Variants in AKAP13 observed in about 807,000 individuals in gnomAD.
AKAP13 encodes the protein A-kinase anchoring protein 13.
Under a neutral mutation model 264.5 loss-of-function variants are expected in AKAP13, and 80 were observed. That is an observed-to-expected ratio of 0.30 (90% CI 0.25 to 0.36). The LOEUF (loss-of-function observed/expected upper bound fraction) is 0.36. AKAP13 is among the 10% of genes least tolerant of loss of function. The pLI, the probability that AKAP13 is intolerant of heterozygous loss-of-function variation, is 1.00. For missense variants in AKAP13, 3,712 were observed against 3,435.2 expected (o/e 1.08, Z -2.01); for synonymous variants, 1,380 against 1,250.2 (o/e 1.10, Z -2.19).
intron 8 of AKAP13, among the ~76,000 whole-genome samples, chr15:85,625,496 A>C (rs1322967152): frequency 6.6e-6 from 1 of 152,164 alleles, no homozygotes; most frequent in Non-Finnish European, 1.5e-5. Context: ...TGGAAAAGAG[A>C]CTAACATGAG....
intron 12 of AKAP13, among the ~76,000 whole-genome samples, chr15:85,658,835 T>C (rs909971013): frequency 6.6e-6 from 1 of 152,208 alleles, no homozygotes; most frequent in Non-Finnish European, 1.5e-5. Flanking sequence ...TTTTAAATCT[T>C]GTGCTTATTG....
chr15:85,536,785 AAG>A (rs369015107), intron 4 of AKAP13: 1 of 152,326 alleles, frequency 6.6e-6, no homozygotes, highest in East Asian at 1.9e-4. Context: ...ATTATAGAAA[AAG>A]AGAACAGATG....
chr15:85,578,352 T>G (rs2079082008), intron 6 of AKAP13, among the ~76,000 whole-genome samples: 4 of 152,114 alleles, frequency 2.6e-5, no homozygotes, highest in African/African-American at 9.7e-5. Context: ...ACTCTTTTAT[T>G]TTTATTTTTT....
intron 8 of AKAP13, 26 bp downstream of exon 8, chr15:85,585,849 G>C (rs766491970): frequency 6.2e-7 from 1 of 1,611,666 alleles, no homozygotes; most frequent in African/African-American, 1.3e-5. Context: ...AAGTCTATAA[G>C]GGCACAAAAT....
At chr15:85,601,608 TTGTGTGTGTGTGTGTGTGTGTGTG>T (rs10574160) in intron 8 of AKAP13, among the ~76,000 whole-genome samples, 2 of 131,990 alleles carry the variant, frequency 1.5e-5, no homozygotes, top group African/African-American at 5.7e-5. Context: ...CCTGAATTCT[TTGTGTGTGTGTGTGTGTGTGTGTG>T]TGTGTGTGTG....
chr15:85,562,574 A>AAAAAAAATATAT (rs1351834745), intron 5 of AKAP13, among the ~76,000 whole-genome samples: 2 of 77,670 alleles, frequency 2.6e-5, no homozygotes, highest in African/African-American at 8.0e-5. Flanking sequence ...CAAAAAAAAA[A>AAAAAAAATATAT]ATATATATAT....
In AKAP13 at chr15:85,718,047, C is replaced by A; in HGVS notation, c.5889C>A (p.Asp1963Glu). ...TDMNEGQLLG[D>E]FEIESKQLEA... ...TGAATGAAGGACAACTACTGGGAGA[C>A]TTTGAGATTGAGTCCAAACAGCTGG... Residue 1963 changes from aspartate (D) to glutamate (E), a missense_variant, in exon 22 of 37, where the codon GAC becomes GAA. This residue lies in a region of AKAP13 where 2,759 missense variants were observed against 2,411.7 expected (regional missense o/e 1.14). Coordinates refer to ENST00000394518, the MANE Select transcript of AKAP13 (RefSeq NM_007200.5). This position sits in a 1 kb window ranked among gnomAD's most constrained non-coding sequence, Gnocchi z 4.9. 6.2e-7 allele frequency: 1 copy of A among 1,614,082 alleles called. No individual in the cohort carries two copies.
At chr15:85,700,156 A>G (rs990482110) in intron 17 of AKAP13, among the ~76,000 whole-genome samples, 19 of 152,210 alleles carry the variant, frequency 1.2e-4, no homozygotes, top group African/African-American at 9.6e-5. Context: ...CTCTTTGGCT[A>G]TATTAAGTCT....
At chr15:85,432,675 A>T (rs2073074214) in intron 1 of AKAP13, among the ~76,000 whole-genome samples, 1 of 152,200 alleles carries the variant, frequency 6.6e-6, no homozygotes, top group South Asian at 2.1e-4. Flanking sequence ...ATTGACTTTT[A>T]TGAAGCTAAT....
intron 8 of AKAP13, among the ~76,000 whole-genome samples, chr15:85,635,669 A>G (rs536225190): frequency 4.3e-4 from 66 of 152,114 alleles, no homozygotes; most frequent in African/African-American, 1.5e-3. Flanking sequence ...TGTCTTCTTT[A>G]GGAGTTTTAT....
intron 1 of AKAP13, among the ~76,000 whole-genome samples, chr15:85,446,870 C>T (rs895196657): frequency 5.9e-5 from 9 of 152,054 alleles, no homozygotes; most frequent in African/African-American, 1.9e-4. Context: ...TTAAAGGCAG[C>T]ATAAATATCT....
chr15:85,666,134 T>A (rs767395627), intron 13 of AKAP13, among the ~76,000 whole-genome samples: 6 of 152,308 alleles, frequency 3.9e-5, no homozygotes, highest in Middle Eastern at 6.8e-3. Context: ...TAGTTCACAG[T>A]CCCGCCAACA....
chr15:85,533,583 G>C lies in AKAP13; in HGVS notation c.182-1G>C. On this transcript the variant is annotated splice_acceptor_variant, in intron 3 of 36. Transcript: ENST00000394518. LOFTEE classifies it high-confidence loss of function. The stretch of plus-strand genomic sequence containing the variant: ...TTATTTGCTGCCTGTGTTTCCTTTA[G>C]GTCATGATTGTTGTGAAACAGTGAA... 1.2e-6 allele frequency: 2 copies of C among 1,603,844 alleles called. No homozygotes were observed. Among genetic ancestry groups the C allele is most frequent in the Non-Finnish European group, 1.7e-6 (2 of 1,174,354 alleles).
At chr15:85,485,917 A>G (rs891419888) in intron 2 of AKAP13, among the ~76,000 whole-genome samples, 164 bp downstream of exon 2, 1 of 152,256 alleles carries the variant, frequency 6.6e-6, no homozygotes, top group South Asian at 2.1e-4. Context: ...GATTTAGTAA[A>G]TACTAAATGG....
At chr15:85,548,728 C>T (rs1004869512) in intron 5 of AKAP13, among the ~76,000 whole-genome samples, 39 of 152,078 alleles carry the variant, frequency 2.6e-4, no homozygotes, top group Non-Finnish European at 5.9e-5. Context: ...TCCAGTTGAT[C>T]GGTCTACCAG....
chr15:85,726,585 T>G, intron 27 of AKAP13, 99 bp downstream of exon 27: 1 of 1,035,848 alleles, frequency 9.7e-7, no homozygotes. Context: ...CTCTTAAAAT[T>G]AAATGGCTCA....
At chr15:85,400,359 A>G (rs77780206) in intron 1 of AKAP13, among the ~76,000 whole-genome samples, 9 of 152,262 alleles carry the variant, frequency 5.9e-5, no homozygotes, top group East Asian at 5.8e-4. Flanking sequence ...ACAGTGAGCT[A>G]TGATCACACT....
At chr15:85,392,308 G>A (rs1373218374) in intron 1 of AKAP13, among the ~76,000 whole-genome samples, 4 of 137,600 alleles carry the variant, frequency 2.9e-5, no homozygotes. Context: ...AGGCTGGAGT[G>A]CAGTGGCGCT....
intron 17 of AKAP13, among the ~76,000 whole-genome samples, chr15:85,694,451 A>T (rs549539283): frequency 1.8e-4 from 27 of 152,384 alleles, no homozygotes; most frequent in South Asian, 4.1e-4. Context: ...AATGAGTGTG[A>T]TTCCAATAAA....
Sources: allele counts gnomAD v4.1 joint callset (sites outside exome capture counted in the v4.1 genomes callset), GRCh38; gene constraint gnomAD v4.1.1; regional missense constraint gnomAD v4.1.1; non-coding constraint Gnocchi (gnomAD v3.1); transcripts MANE v1.5; gene names NCBI Gene and HGNC (gene_info 2026-07-23, HGNC 2026-07-21).